GAREM2: variants seen among roughly 807,000 people sequenced by gnomAD.
GAREM2 encodes the protein GRB2 associated regulator of MAPK1 subtype 2.
In GAREM2, 30 loss-of-function variants were observed where a neutral mutation model predicts 55.6. That is an observed-to-expected ratio of 0.54 (90% CI 0.40 to 0.73). The LOEUF (loss-of-function observed/expected upper bound fraction) is 0.73. Among genes scored for constraint, GAREM2 ranks in the 30% least tolerant of loss-of-function variants. GAREM2 has a pLI of 0.00. For synonymous variants in GAREM2, 550 were observed against 569.1 expected, an observed-to-expected ratio of 0.97 and a Z score of 0.48; for missense variants, 1,075 against 1,257.7, an observed-to-expected ratio of 0.85 and a Z score of 2.20.
downstream of GAREM2, chr2:26,193,493 G>A: frequency 1.8e-6 from 2 of 1,136,926 alleles, no homozygotes; most frequent in Non-Finnish European, 2.7e-6. Flanking sequence ...TCTTCCACGA[G>A]GGCTTCTGTA....
chr2:26,183,703 C>T (rs1192320421), intron 3 of GAREM2, among the ~76,000 whole-genome samples: 1 of 148,628 alleles, frequency 6.7e-6, no homozygotes, highest in African/African-American at 2.5e-5. Context: ...GCCTGGGAGA[C>T]AGAGCAAGAC....
Position 26,187,570 on chromosome 2 carries a change from G to A in GAREM2, c.1938G>A (p.Leu646=), listed in dbSNP as rs918729458. The change falls in exon 6 of 6, where the codon TTG becomes TTA. Residue 646 remains leucine, a synonymous_variant. Transcript: ENST00000401533. The stretch of plus-strand genomic sequence containing the variant: ...ACCCCTCAGGCCCTTCAGCGGCCTT[G>A]TCTTCTGGGCCCAGAACCACCTCGG... The part of the protein sequence containing the change: ...PAYPSGPSAA[L]SSGPRTTSGP... 4.5e-6 allele frequency: 7 copies of A among 1,546,180 alleles called. No homozygotes were observed. Among genetic ancestry groups the A allele is most frequent in the Non-Finnish European group, 6.1e-6 (7 of 1,144,414 alleles).
chr2:26,194,514 T>A, downstream of GAREM2: 1 of 1,044,798 alleles, frequency 9.6e-7, no homozygotes, highest in Non-Finnish European at 1.5e-6. Context: ...ATCATGAGTT[T>A]TAGAGTGACT....
chr2:26,192,189 C>G (rs943596411), downstream of GAREM2: 1 of 667,762 alleles, frequency 1.5e-6, no homozygotes, highest in Admixed American at 2.3e-5. Context: ...ATGTAACAAA[C>G]CTGCACATGT....
downstream of GAREM2, chr2:26,193,869 C>A (rs1364364903): frequency 3.1e-6 from 3 of 953,356 alleles, no homozygotes; most frequent in African/African-American, 1.6e-5. Context: ...TTGTGTAAAA[C>A]CCACTTCTGA....
downstream of GAREM2, chr2:26,191,755 C>T: frequency 1.1e-6 from 1 of 926,134 alleles, no homozygotes; most frequent in South Asian, 1.3e-5. Context: ...TGCTGGCCCT[C>T]AGAGAAGATG....
At chr2:26,201,324 G>GA in the GAREM2 span, 1 of 1,594,482 alleles carries the variant, frequency 6.3e-7, no homozygotes, top group Non-Finnish European at 8.6e-7. Flanking sequence ...ATTCAATCTA[G>GA]AAAAAACACA....
At chr2:26,184,190 C>T (rs781601004) in intron 3 of GAREM2, 43 bp from the exon 4 acceptor site, 10 of 1,541,840 alleles carry the variant, frequency 6.5e-6, no homozygotes, top group South Asian at 1.2e-5. Context: ...GTGGCTTTCC[C>T]TGGGACCTGG....
chr2:26,190,734 T>G, downstream of GAREM2: 1 of 199,378 alleles, frequency 5.0e-6, no homozygotes, highest in Non-Finnish European at 1.0e-5. Flanking sequence ...GCCCACCAGG[T>G]CCCACTTTCT....
chr2:26,196,187 GAGTC>G, the GAREM2 span, among the ~76,000 whole-genome samples: 1 of 151,360 alleles, frequency 6.6e-6, no homozygotes, highest in East Asian at 1.9e-4. Flanking sequence ...TAGTAGTACA[GAGTC>G]AGTCAGCATA....
chr2:26,185,317 G>T lies in GAREM2; in HGVS notation c.1428+41G>T, dbSNP rs1188474975. On this transcript the variant is annotated intron_variant, in intron 4 of 5. Coordinates refer to ENST00000401533, the MANE Select transcript of GAREM2 (RefSeq NM_001168241.2). ...GGGGGCCGAGTCCCGGGTCCAGCCAGGGCCCAAAGCCCGTTCTCCTGGGCC... is the reference window on the plus strand; with the variant it reads ...GGGGGCCGAGTCCCGGGTCCAGCCATGGCCCAAAGCCCGTTCTCCTGGGCC... 5 of 1,474,562 alleles carry T rather than the reference G, an allele frequency of 3.4e-6. No individual in the cohort carries two copies. The East Asian group carries it at 1.4e-4, about 42-fold the overall frequency. The allele number at this position is 1,474,562 out of a possible 1,614,324, so 91.3% of individuals were successfully genotyped here.
intron 2 of GAREM2, chr2:26,181,191 C>T (rs1212260057): frequency 1.1e-4 from 105 of 945,800 alleles, no homozygotes; most frequent in Non-Finnish European, 1.3e-4. Flanking sequence ...CAGAATAAAG[C>T]TTTACTGCTT....
intron 1 of GAREM2, among the ~76,000 whole-genome samples, chr2:26,174,274 T>A (rs1660397320): frequency 6.6e-6 from 1 of 152,122 alleles, no homozygotes; most frequent in Admixed American, 6.5e-5. Context: ...AGCAGGCTCA[T>A]GGGGGAGCAT....
chr2:26,181,919 C>A, intron 2 of GAREM2: 1 of 752,370 alleles, frequency 1.3e-6, no homozygotes, highest in Non-Finnish European at 1.6e-6. Flanking sequence ...GTTGAAGCTG[C>A]AGTGAGTTGT....
At chr2:26,203,038 C>T in the GAREM2 span, among the ~76,000 whole-genome samples, 1 of 152,204 alleles carries the variant, frequency 6.6e-6, no homozygotes, top group African/African-American at 2.4e-5. Context: ...CAATTTCTTA[C>T]TTTGGTGATG....
At chr2:26,182,024 T>G in intron 2 of GAREM2, 1 of 996,990 alleles carries the variant, frequency 1.0e-6, no homozygotes, top group Non-Finnish European at 1.2e-6. Flanking sequence ...TCTCTCGACT[T>G]GTTCCCTCAC....
downstream of GAREM2, chr2:26,193,546 G>A (rs371137138): frequency 6.5e-7 from 1 of 1,530,572 alleles, no homozygotes; most frequent in African/African-American, 1.4e-5. Flanking sequence ...GTAACTAATG[G>A]TGCTAGTTAT....
intron 2 of GAREM2, 70 bp from the exon 3 acceptor site, chr2:26,182,897 G>T: frequency 6.6e-6 from 10 of 1,522,728 alleles, no homozygotes; most frequent in East Asian, 2.5e-5. Flanking sequence ...GACCATGAAG[G>T]CTCTTGGGAC....
the GAREM2 span, among the ~76,000 whole-genome samples, chr2:26,197,299 C>T: frequency 6.6e-6 from 1 of 152,166 alleles, no homozygotes; most frequent in Non-Finnish European, 1.5e-5. Context: ...GCAGACACAT[C>T]CCACCATTCC....
Sources: allele counts gnomAD v4.1 joint callset (sites outside exome capture counted in the v4.1 genomes callset), GRCh38; gene constraint gnomAD v4.1.1; transcripts MANE v1.5; gene names NCBI Gene and HGNC (gene_info 2026-07-23, HGNC 2026-07-21).